The following GRID1 variants were observed in gnomAD, a reference collection of about 807,000 sequenced individuals.
GRID1 encodes glutamate receptor ionotropic, delta-1.
In GRID1, 28 loss-of-function variants were observed where a neutral mutation model predicts 98.0. The ratio of observed to expected loss-of-function variants is 0.29; its 90% CI spans 0.21 to 0.39. The LOEUF (loss-of-function observed/expected upper bound fraction) is 0.39. Among genes scored for constraint, GRID1 ranks in the 10% least tolerant of loss-of-function variants. The probability of loss-of-function intolerance (pLI) is 1.00; values close to 1 mark genes in which losing one functional copy is unlikely to be tolerated. For missense variants in GRID1, 1,111 were observed against 1,340.5 expected, an observed-to-expected ratio of 0.83 and a Z score of 2.67; for synonymous variants, 553 against 538.5, an observed-to-expected ratio of 1.03 and a Z score of -0.37.
intron 4 of GRID1, among the ~76,000 whole-genome samples, chr10:85,959,539 C>T (rs1842238384): frequency 6.6e-6 from 1 of 151,976 alleles, no homozygotes; most frequent in Non-Finnish European, 1.5e-5. Flanking sequence ...TCCCACCCGC[C>T]CCCACCCGAG....
At chr10:85,976,601 C>G (rs544755531) in intron 4 of GRID1, among the ~76,000 whole-genome samples, 9 of 152,236 alleles carry the variant, frequency 5.9e-5, no homozygotes, top group African/African-American at 1.7e-4. Context: ...CCCTTGCCCC[C>G]GTGGCATCCA....
intron 2 of GRID1, among the ~76,000 whole-genome samples, chr10:86,230,940 G>A (rs1846441820): frequency 6.6e-6 from 1 of 152,196 alleles, no homozygotes; most frequent in Non-Finnish European, 1.5e-5. Flanking sequence ...TGTGGGCAGT[G>A]ACAGGCCCAA....
rs1208342543 is a variant in GRID1, at chr10:86,366,789, G to A, written c.-397C>T. Among the ~76,000 whole-genome samples, 1 of 150,438 alleles carries A rather than the reference G, an allele frequency of 6.6e-6. No homozygotes were observed. Among genetic ancestry groups the A allele is most frequent in the Non-Finnish European group, 1.5e-5 (1 of 67,046 alleles). On this transcript the variant is annotated 5_prime_UTR_variant, in exon 1 of 16. Coordinates refer to ENST00000327946, the MANE Select transcript of GRID1 (RefSeq NM_017551.3). This position sits in a 1 kb window ranked among gnomAD's most constrained non-coding sequence, Gnocchi z 4.1. ...CTGTGTGTCTGAGCCCCGGCGAGGA[G>A]CGAACTGCGGAGGACGCCCCCTCCC...
intron 12 of GRID1, among the ~76,000 whole-genome samples, chr10:85,722,330 C>T (rs1473930024): frequency 6.6e-6 from 1 of 152,154 alleles, no homozygotes; most frequent in African/African-American, 2.4e-5. Flanking sequence ...ACAACAGATC[C>T]ATGCCTATGA....
intron 5 of GRID1, among the ~76,000 whole-genome samples, chr10:85,874,590 T>C (rs942802078): frequency 3.9e-5 from 6 of 152,230 alleles, no homozygotes; most frequent in Non-Finnish European, 2.9e-5. Flanking sequence ...TTATTCTAGA[T>C]ACAAAGCCTT....
At chr10:86,304,279 G>A (rs2446015) in intron 2 of GRID1, among the ~76,000 whole-genome samples, 118 of 152,226 alleles carry the variant, frequency 7.8e-4, no homozygotes, top group Non-Finnish European at 1.5e-3. Context: ...ACAAAGAGAA[G>A]GCAGGAGCCC....
chr10:85,739,312 G>A (rs1170645453), intron 8 of GRID1, among the ~76,000 whole-genome samples: 1 of 152,136 alleles, frequency 6.6e-6, no homozygotes, highest in African/African-American at 2.4e-5. Context: ...GGGCACAGTG[G>A]CTCATGCCTG....
At chr10:86,208,793 G>T (rs1846070002) in intron 2 of GRID1, among the ~76,000 whole-genome samples, 5 of 152,156 alleles carry the variant, frequency 3.3e-5, no homozygotes, top group Admixed American at 1.3e-4. Flanking sequence ...TAGCAGTAAA[G>T]ACTCGTGCAA....
chr10:86,087,098 T>G (rs1844070924), intron 4 of GRID1, among the ~76,000 whole-genome samples: 1 of 152,184 alleles, frequency 6.6e-6, no homozygotes, highest in Non-Finnish European at 1.5e-5. Flanking sequence ...ATGGAAGGCA[T>G]GGGGCATGGA....
intron 5 of GRID1, among the ~76,000 whole-genome samples, chr10:85,897,409 G>A (rs1841308442): frequency 6.6e-6 from 1 of 152,212 alleles, no homozygotes; most frequent in Admixed American, 6.5e-5. Context: ...CCTGAGCCAG[G>A]AAACCTCCAG....
chr10:86,237,826 CT>C (rs2132039949), intron 2 of GRID1, among the ~76,000 whole-genome samples: 1 of 152,300 alleles, frequency 6.6e-6, no homozygotes, highest in African/African-American at 2.4e-5. Flanking sequence ...GTCATGCTTC[CT>C]GTACAGCCTG....
At chr10:86,196,821 G>A (rs1564703678) in intron 3 of GRID1, among the ~76,000 whole-genome samples, 1 of 151,694 alleles carries the variant, frequency 6.6e-6, no homozygotes, top group Admixed American at 6.5e-5. Context: ...AGTGGAGGAG[G>A]GAGGGGCTTT....
chr10:86,283,636 CCT>C (rs374322793), intron 2 of GRID1, among the ~76,000 whole-genome samples: 187 of 151,488 alleles, frequency 1.2e-3, no homozygotes, highest in African/African-American at 4.1e-3. Flanking sequence ...ACATATCTGC[CCT>C]CACACACACA....
chr10:85,662,484 T>C (rs997179571), intron 12 of GRID1, among the ~76,000 whole-genome samples: 1 of 152,150 alleles, frequency 6.6e-6, no homozygotes, highest in Non-Finnish European at 1.5e-5. Context: ...GGTGGAGCCA[T>C]CTCAGCCGAA....
chr10:85,705,810 T>G (rs1564565619), intron 12 of GRID1, among the ~76,000 whole-genome samples: 1 of 152,084 alleles, frequency 6.6e-6, no homozygotes, highest in African/African-American at 2.4e-5. Flanking sequence ...GTTAAACATA[T>G]GCAAATAAAT....
intron 2 of GRID1, among the ~76,000 whole-genome samples, chr10:86,237,368 A>T (rs762520642): frequency 4.6e-5 from 7 of 152,224 alleles, no homozygotes; most frequent in Non-Finnish European, 8.8e-5. Context: ...TGTTCTTACA[A>T]TAATGAGTGA....
At chr10:86,257,405 C>T (rs967451199) in intron 2 of GRID1, among the ~76,000 whole-genome samples, 1 of 152,168 alleles carries the variant, frequency 6.6e-6, no homozygotes. Context: ...GCCATCTGGA[C>T]CAATGGGCCA....
At chr10:86,320,355 G>T (rs1400068059) in intron 2 of GRID1, among the ~76,000 whole-genome samples, 1 of 152,190 alleles carries the variant, frequency 6.6e-6, no homozygotes, top group Non-Finnish European at 1.5e-5. Flanking sequence ...GGAGGTAGGG[G>T]TGACAGAATG....
intron 6 of GRID1, among the ~76,000 whole-genome samples, chr10:85,858,073 C>T (rs1843130188): frequency 6.6e-6 from 1 of 152,228 alleles, no homozygotes; most frequent in South Asian, 2.1e-4. Flanking sequence ...CATGTCACAT[C>T]CAGGCAGAGC....
Sources: allele counts gnomAD v4.1 joint callset (sites outside exome capture counted in the v4.1 genomes callset), GRCh38; gene constraint gnomAD v4.1.1; non-coding constraint Gnocchi (gnomAD v3.1); transcripts MANE v1.5; gene names NCBI Gene and HGNC (gene_info 2026-07-23, HGNC 2026-07-21).